Variants in RAB37 observed in about 807,000 individuals in gnomAD.
The protein encoded by RAB37 is ras-related protein Rab-37.
In RAB37, 29 loss-of-function variants were observed where a neutral mutation model predicts 33.1. The ratio of observed to expected loss-of-function variants is 0.88; its 90% CI spans 0.65 to 1.20. The LOEUF (loss-of-function observed/expected upper bound fraction) is 1.20. RAB37 is among the 50% of genes most tolerant of loss of function. The pLI is 0.00. For missense variants in RAB37, 299 were observed against 301.1 expected, an observed-to-expected ratio of 0.99 and a Z score of 0.05; for synonymous variants, 128 against 119.5, an observed-to-expected ratio of 1.07 and a Z score of -0.47.
intron 5 of RAB37, among the ~76,000 whole-genome samples, chr17:74,743,790 A>G (rs2034680474): frequency 6.6e-6 from 1 of 152,182 alleles, no homozygotes; most frequent in African/African-American, 2.4e-5. Flanking sequence ...TTCAAGCACC[A>G]ATTTTGTTCA....
chr17:74,680,585 C>G (rs1389604401), intron 1 of RAB37, among the ~76,000 whole-genome samples: 2 of 152,150 alleles, frequency 1.3e-5, no homozygotes, highest in Admixed American at 6.5e-5. Context: ...CAATCTACGA[C>G]CCCACTGGCC....
chr17:74,723,186 A>AATACTCG (rs1355532906), intron 1 of RAB37, among the ~76,000 whole-genome samples: 4 of 152,216 alleles, frequency 2.6e-5, no homozygotes, highest in Non-Finnish European at 5.9e-5. Flanking sequence ...AACAGGAGAA[A>AATACTCG]ATACTCGATG....
chr17:74,685,096 T>C (rs2032028254), intron 1 of RAB37, among the ~76,000 whole-genome samples: 1 of 150,558 alleles, frequency 6.6e-6, no homozygotes, highest in South Asian at 2.1e-4. Flanking sequence ...AATGCTAACA[T>C]TTTGCCTTAA....
intron 1 of RAB37, among the ~76,000 whole-genome samples, chr17:74,674,018 T>C (rs1285858367): frequency 1.3e-5 from 2 of 152,170 alleles, no homozygotes; most frequent in Non-Finnish European, 2.9e-5. Flanking sequence ...GGAGTTCCCA[T>C]TGATTGATTA....
upstream of RAB37, among the ~76,000 whole-genome samples, chr17:74,732,705 G>T (rs1286552299): frequency 1.1e-4 from 6 of 55,294 alleles, no homozygotes; most frequent in South Asian, 1.0e-3. Flanking sequence ...TGATTTGAGG[G>T]GTGTGTGGTG....
chr17:74,709,630 G>A (rs944484209), intron 1 of RAB37, among the ~76,000 whole-genome samples: 1 of 151,938 alleles, frequency 6.6e-6, no homozygotes, highest in Non-Finnish European at 1.5e-5. Context: ...GCACTGGTAC[G>A]AACATGGGTC....
At chr17:74,673,518 C>T (rs2031754075) in intron 1 of RAB37, among the ~76,000 whole-genome samples, 1 of 150,838 alleles carries the variant, frequency 6.6e-6, no homozygotes, top group African/African-American at 2.4e-5. Context: ...TTATACCATC[C>T]TATAAAGGTA....
chr17:74,712,882 G>A (rs2034072842), intron 1 of RAB37: 2 of 1,613,598 alleles, frequency 1.2e-6, no homozygotes, highest in Non-Finnish European at 1.7e-6. Flanking sequence ...CTTCAGACAG[G>A]TCCCCGTTCC....
At chr17:74,727,403 G>A (rs57515393) in intron 1 of RAB37, among the ~76,000 whole-genome samples, 77 of 152,336 alleles carry the variant, frequency 5.1e-4, no homozygotes, top group African/African-American at 1.6e-3. Flanking sequence ...TTGGATCCCC[G>A]TGAAGGAAAG....
intron 1 of RAB37, among the ~76,000 whole-genome samples, chr17:74,673,857 C>A (rs2031761847): frequency 6.6e-6 from 1 of 152,120 alleles, no homozygotes; most frequent in South Asian, 2.1e-4. Context: ...GGAAAGTTTT[C>A]CTTCTTATAT....
intron 1 of RAB37, among the ~76,000 whole-genome samples, chr17:74,727,239 AG>A (rs1340383239): frequency 6.6e-6 from 1 of 152,258 alleles, no homozygotes; most frequent in African/African-American, 2.4e-5. Flanking sequence ...TCTCCCACAC[AG>A]GAGATCTATG....
At chr17:74,706,314 G>A (rs1194668236) in intron 1 of RAB37, among the ~76,000 whole-genome samples, 21 of 145,970 alleles carry the variant, frequency 1.4e-4, no homozygotes, top group Admixed American at 1.0e-3. Context: ...AAAGTGCTGC[G>A]ATTATAGGTG....
chr17:74,696,181 G>A, intron 1 of RAB37: 1 of 1,600,446 alleles, frequency 6.2e-7, no homozygotes, highest in Non-Finnish European at 8.5e-7. Context: ...GTCCGACCTT[G>A]GGGGCTATCT....
intron 1 of RAB37, among the ~76,000 whole-genome samples, chr17:74,715,600 A>T (rs1164212995): frequency 6.6e-6 from 1 of 152,194 alleles, no homozygotes; most frequent in Non-Finnish European, 1.5e-5. Context: ...GTGGTGGGGT[A>T]AGCTTTCTTC....
rs1434505583 is a variant in RAB37, at chr17:74,677,412, T to C, written c.72+5754T>C. On this transcript the variant is annotated intron_variant, in intron 1 of 7. Transcript: ENST00000340415. The stretch of plus-strand genomic sequence containing the variant: ...GGTGCTTCTTTTATTTTTTTTTCGA[T>C]GAAACAATGATAATGATAATGGTAT... 6 of 152,208 alleles carry C rather than the reference T, an allele frequency of 3.9e-5. No homozygotes were observed. The East Asian group carries it at 9.6e-4, about 24-fold the overall frequency. The allele number at this position is 152,208 out of a possible 1,614,324, so 9.4% of individuals were successfully genotyped here.
At chr17:74,712,607 G>C (rs1459291825) in intron 1 of RAB37, among the ~76,000 whole-genome samples, 3 of 152,240 alleles carry the variant, frequency 2.0e-5, no homozygotes, top group Non-Finnish European at 4.4e-5. Context: ...GCCCCTGGGG[G>C]TCAGGAATTC....
At chr17:74,737,217 G>A, upstream of RAB37, 1 of 1,534,214 alleles carries the variant, frequency 6.5e-7, no homozygotes, top group Non-Finnish European at 8.7e-7. Flanking sequence ...GGGTGGGGCC[G>A]TTCCTGCGCT....
intron 1 of RAB37, among the ~76,000 whole-genome samples, chr17:74,708,849 G>A (rs993294226): frequency 2.6e-5 from 4 of 151,046 alleles, no homozygotes; most frequent in Non-Finnish European, 4.4e-5. Context: ...CGGGGGGGCG[G>A]AGCTTGCAGT....
chr17:74,697,503 CA>C (rs1341447789), intron 1 of RAB37, among the ~76,000 whole-genome samples: 1 of 152,184 alleles, frequency 6.6e-6, no homozygotes, highest in East Asian at 1.9e-4. Context: ...TCACAGAAAA[CA>C]AACTAACAGA....
Sources: gnomAD v4.1 joint callset for allele counts (sites outside exome capture counted in the v4.1 genomes callset) on GRCh38, gnomAD v4.1.1 for gene constraint, MANE v1.5 for transcripts, NCBI Gene and HGNC (gene_info 2026-07-23, HGNC 2026-07-21) for gene names.